The following PTPRD variants were observed in gnomAD, a reference collection of about 807,000 sequenced individuals.
PTPRD encodes receptor-type tyrosine-protein phosphatase delta.
In PTPRD, 34 loss-of-function variants were observed where a neutral mutation model predicts 214.5. That is an observed-to-expected ratio of 0.16 (90% CI 0.12 to 0.21). PTPRD has a LOEUF of 0.21. Ranked by LOEUF, PTPRD falls within the 10% of genes least tolerant of loss-of-function variation. PTPRD has a pLI of 1.00. For synonymous variants in PTPRD, 1,128 were observed against 845.7 expected, an observed-to-expected ratio of 1.33 and a Z score of -5.79; for missense variants, 2,545 against 2,398.7, an observed-to-expected ratio of 1.06 and a Z score of -1.27.
chr9:8,721,095 C>T (rs963278294), intron 12 of PTPRD, among the ~76,000 whole-genome samples: 8 of 150,156 alleles, frequency 5.3e-5, no homozygotes, highest in African/African-American at 9.8e-5. Context: ...ATGTTGCCTA[C>T]ACTTAGAATA....
At chr9:10,388,137 A>G (rs2097961639) in intron 2 of PTPRD, among the ~76,000 whole-genome samples, 1 of 151,858 alleles carries the variant, frequency 6.6e-6, no homozygotes, top group Non-Finnish European at 1.5e-5. Context: ...ATGGATTAAA[A>G]GGGAAAATGG....
At chr9:10,064,747 T>G (rs2097845516) in intron 3 of PTPRD, among the ~76,000 whole-genome samples, 1 of 151,900 alleles carries the variant, frequency 6.6e-6, no homozygotes, top group African/African-American at 2.4e-5. Context: ...ACCCTAAACC[T>G]CAGCATAATG....
At chr9:9,986,182 T>C (rs1374064431) in intron 4 of PTPRD, among the ~76,000 whole-genome samples, 1 of 152,150 alleles carries the variant, frequency 6.6e-6, no homozygotes, top group East Asian at 1.9e-4. Context: ...TGGTACAAAG[T>C]TCTGTAGAAC....
intron 2 of PTPRD, among the ~76,000 whole-genome samples, chr9:10,482,033 A>G (rs2208708): frequency 0.9 from 136,353 of 152,138 alleles, 61,262 homozygotes; most frequent in East Asian, 1. Context: ...GAGGAAAGAA[A>G]TATAAAAAAG....
At chr9:10,411,166 T>G (rs1158483905) in intron 2 of PTPRD, among the ~76,000 whole-genome samples, 1 of 151,774 alleles carries the variant, frequency 6.6e-6, no homozygotes, top group East Asian at 2.0e-4. Flanking sequence ...TGATGTAAAA[T>G]TCTAAGTGAA....
At chr9:8,753,210 C>A (rs2093687372) in intron 11 of PTPRD, among the ~76,000 whole-genome samples, 1 of 152,270 alleles carries the variant, frequency 6.6e-6, no homozygotes, top group Middle Eastern at 3.4e-3. Flanking sequence ...CCACATAGCT[C>A]AGGGACAGCA....
intron 7 of PTPRD, among the ~76,000 whole-genome samples, chr9:9,651,306 A>G (rs988972320): frequency 2.0e-5 from 3 of 152,190 alleles, no homozygotes; most frequent in African/African-American, 7.2e-5. Flanking sequence ...AACTTGTATC[A>G]TTGAGGGTTT....
chr9:9,412,535 A>G (rs2075782306), intron 8 of PTPRD, among the ~76,000 whole-genome samples: 1 of 151,986 alleles, frequency 6.6e-6, no homozygotes. Flanking sequence ...CATTTCCTAC[A>G]GTTACTTTCC....
chr9:10,056,937 T>G (rs1397909386), intron 3 of PTPRD, among the ~76,000 whole-genome samples: 1 of 152,188 alleles, frequency 6.6e-6, no homozygotes, highest in South Asian at 2.1e-4. Context: ...ACTTTGGGAT[T>G]GTTATTTTTG....
At chr9:10,219,570 T>C (rs1013793188) in intron 3 of PTPRD, among the ~76,000 whole-genome samples, 29 of 151,984 alleles carry the variant, frequency 1.9e-4, no homozygotes, top group African/African-American at 6.7e-4. Context: ...GGGGGAAAGG[T>C]CCCAGTAATT....
chr9:8,929,518 C>G lies in PTPRD; in HGVS notation c.-104+89179G>C, dbSNP rs933304128. On this transcript the variant is annotated intron_variant, in intron 11 of 45. Transcript: ENST00000381196. ...ATTGATTTGCGTATGTTGAACCTGC[C>G]TTGCATCCCAAGTATGAAGCCGACT... is the stretch of plus-strand genomic sequence containing the variant. Among the ~76,000 whole-genome samples the G allele has an allele frequency of 2.6e-5, 4 of 151,884 alleles. No individual in the cohort carries two copies. The South Asian group carries it at 8.3e-4, about 32-fold the overall frequency.
rs140113081 is a variant in PTPRD, at chr9:10,090,362, A to G, written c.-544-56572T>C. On this transcript the variant is annotated intron_variant, in intron 3 of 45. Transcript: ENST00000381196. ...CATTCAGTAGAATTTGATCATCAAA[A>G]TATAGAATTATAATTATTCAGGTCT... 1.4e-3 allele frequency among the ~76,000 whole-genome samples: 218 copies of G among 151,618 alleles called. 1 individual carries two copies. Among genetic ancestry groups the G allele is most frequent in the African/African-American group, 5.0e-3 (208 of 41,454 alleles).
At chr9:8,380,227 A>T (rs539714502) in intron 37 of PTPRD, among the ~76,000 whole-genome samples, 1 of 152,316 alleles carries the variant, frequency 6.6e-6, no homozygotes, top group South Asian at 2.1e-4. Flanking sequence ...TCAAGGTGAC[A>T]TAAGACCCAG....
Position 9,712,755 on chromosome 9 carries a change from T to C in PTPRD, c.-287+21778A>G, listed in dbSNP as rs571209026. 2.3e-4 allele frequency among the ~76,000 whole-genome samples: 35 copies of C among 152,324 alleles called. 1 individual carries two copies. In the South Asian group the frequency reaches 7.2e-3, roughly 32 times the overall value. ...AGATTTTCTTGCTTCATCTGAGCACTTAAAACTCAATAATATGCCAGACCT... is the reference window on the plus strand; with the variant it reads ...AGATTTTCTTGCTTCATCTGAGCACCTAAAACTCAATAATATGCCAGACCT... On this transcript the variant is annotated intron_variant, in intron 7 of 45. Coordinates refer to ENST00000381196, the MANE Select transcript of PTPRD (RefSeq NM_002839.4).
intron 8 of PTPRD, among the ~76,000 whole-genome samples, chr9:9,470,918 G>A (rs1323614615): frequency 6.6e-6 from 1 of 152,150 alleles, no homozygotes; most frequent in Admixed American, 6.5e-5. Flanking sequence ...AATCATAAAT[G>A]ATTGGTGGGA....
intron 12 of PTPRD, among the ~76,000 whole-genome samples, chr9:8,665,823 T>C: frequency 6.6e-6 from 1 of 152,218 alleles, no homozygotes; most frequent in East Asian, 1.9e-4. Context: ...AAAGAAATAC[T>C]TTACTGTAAC....
intron 35 of PTPRD, among the ~76,000 whole-genome samples, chr9:8,430,926 T>C (rs2095004342): frequency 6.6e-6 from 1 of 152,216 alleles, no homozygotes. Flanking sequence ...TTTGATTGTA[T>C]ATACTTGTCT....
At chr9:8,534,298 C>T (rs1030912193) in intron 14 of PTPRD, among the ~76,000 whole-genome samples, 14 of 151,792 alleles carry the variant, frequency 9.2e-5, no homozygotes, top group South Asian at 2.1e-4. Context: ...CAATAGAACA[C>T]GTATCTATAT....
intron 39 of PTPRD, among the ~76,000 whole-genome samples, chr9:8,358,006 T>TTAGTC (rs1588570181): frequency 6.6e-6 from 1 of 152,228 alleles, no homozygotes; most frequent in African/African-American, 2.4e-5. Flanking sequence ...CCCGTATTTT[T>TTAGTC]TAGTCTATAC....
Sources: allele counts gnomAD v4.1 joint callset (sites outside exome capture counted in the v4.1 genomes callset), GRCh38; gene constraint gnomAD v4.1.1; transcripts MANE v1.5; gene names NCBI Gene and HGNC (gene_info 2026-07-23, HGNC 2026-07-21).